ARSK: variants seen among roughly 807,000 people sequenced by gnomAD.
The protein encoded by ARSK is arylsulfatase K.
ARSK carries 37 observed loss-of-function variants against 53.2 expected under a neutral mutation model. The ratio of observed to expected loss-of-function variants is 0.70; its 90% CI spans 0.54 to 0.92. ARSK has a LOEUF of 0.92. Among genes scored for constraint, ARSK ranks in the 40% least tolerant of loss-of-function variants. The pLI is 0.00. For missense variants in ARSK, 613 were observed against 643.0 expected (o/e 0.95, Z 0.51); for synonymous variants, 208 against 223.2 (o/e 0.93, Z 0.61).
At chr5:95,569,154 A>G (rs553154697) in intron 3 of ARSK, among the ~76,000 whole-genome samples, 1 of 152,146 alleles carries the variant, frequency 6.6e-6, no homozygotes. Context: ...TGATCTTGGG[A>G]TCCCCCAACA....
At chr5:95,567,342 A>G (rs1466843728) in intron 2 of ARSK, among the ~76,000 whole-genome samples, 1 of 152,234 alleles carries the variant, frequency 6.6e-6, no homozygotes, top group Non-Finnish European at 1.5e-5. Context: ...ATGAAAACAG[A>G]AAGCTTATTC....
At chr5:95,561,044 T>G (rs1294107839) in intron 1 of ARSK, among the ~76,000 whole-genome samples, 1 of 152,112 alleles carries the variant, frequency 6.6e-6, no homozygotes, top group African/African-American at 2.4e-5. Context: ...CTCCTGACCT[T>G]GGGATATACC....
intron 6 of ARSK, 157 bp from the exon 7 acceptor site, chr5:95,600,689 CA>C: frequency 1.3e-6 from 1 of 754,376 alleles, no homozygotes; most frequent in Non-Finnish European, 2.3e-6. Flanking sequence ...GTGGGGTAAG[CA>C]TGTGAATTTT....
intron 3 of ARSK, among the ~76,000 whole-genome samples, chr5:95,580,163 C>T (rs1022839672): frequency 2.0e-5 from 3 of 152,146 alleles, no homozygotes; most frequent in African/African-American, 7.2e-5. Flanking sequence ...TTTGGATCCT[C>T]CTCATTGATG....
chr5:95,556,457 G>A, intron 1 of ARSK: 1 of 533,042 alleles, frequency 1.9e-6, no homozygotes. Flanking sequence ...CTTCAGAGCT[G>A]CTTTCCAATA....
chr5:95,562,819 G>A (rs925819550), intron 1 of ARSK, among the ~76,000 whole-genome samples: 14 of 152,206 alleles, frequency 9.2e-5, no homozygotes, highest in African/African-American at 3.4e-4. Flanking sequence ...TTGAACCATA[G>A]GAATGGCCTT....
chr5:95,592,245 CT>C (rs1749230327), intron 6 of ARSK, among the ~76,000 whole-genome samples: 3 of 152,092 alleles, frequency 2.0e-5, no homozygotes, highest in Admixed American at 2.0e-4. Context: ...CATTTAAACA[CT>C]AGTTTCTCTG....
chr5:95,580,827 T>A (rs1749010149), intron 3 of ARSK: 1 of 919,300 alleles, frequency 1.1e-6, no homozygotes, highest in Non-Finnish European at 1.5e-6. Context: ...ACTGAATACA[T>A]CACTTTATAC....
chr5:95,557,207 A>G (rs1748538052), intron 1 of ARSK: 2 of 152,128 alleles, frequency 1.3e-5, no homozygotes, highest in Non-Finnish European at 2.9e-5. Flanking sequence ...TGTCCACAAT[A>G]CATATTTCCT....
At chr5:95,577,044 A>C (rs1748936980) in intron 3 of ARSK, among the ~76,000 whole-genome samples, 1 of 152,226 alleles carries the variant, frequency 6.6e-6, no homozygotes, top group Non-Finnish European at 1.5e-5. Flanking sequence ...GTTAAATCCT[A>C]CATAATGTGG....
At chr5:95,587,075 T>C (rs1353181824) in intron 5 of ARSK, among the ~76,000 whole-genome samples, 1 of 152,170 alleles carries the variant, frequency 6.6e-6, no homozygotes, top group Admixed American at 6.5e-5. Context: ...GTAAGGCAGC[T>C]TAGGTTTCTA....
In ARSK at chr5:95,603,221, ATTTTTTTT is replaced by A; in HGVS notation, c.1322-15_1322-8del. 6.6e-7 allele frequency: 1 copy of A among 1,526,586 alleles called. No homozygotes were observed. Among genetic ancestry groups the A allele is most frequent in the Admixed American group, 2.2e-5 (1 of 45,510 alleles). The allele number at this position is 1,526,586 out of a possible 1,614,324, so 94.6% of individuals were successfully genotyped here. On this transcript the variant is annotated splice_region_variant and splice_polypyrimidine_tract_variant and intron_variant, in intron 7 of 7. Transcript: ENST00000380009. The stretch of plus-strand genomic sequence containing the variant: ...CAGGTCACTATTTTGACAGATACTT[ATTTTTTTT>A]CTTTCAGATCTTTCCTCGGATCCAG...
intron 5 of ARSK, among the ~76,000 whole-genome samples, chr5:95,590,379 CA>C (rs981717843): frequency 6.6e-6 from 1 of 151,930 alleles, no homozygotes; most frequent in Non-Finnish European, 1.5e-5. Context: ...GGAGAGTGGA[CA>C]GGGGCATTGC....
At chr5:95,563,567 G>A (rs1047241354) in intron 1 of ARSK, among the ~76,000 whole-genome samples, 4 of 152,144 alleles carry the variant, frequency 2.6e-5, no homozygotes, top group African/African-American at 9.7e-5. Context: ...CTGCTTTCCA[G>A]CCTGCTTTTG....
At chr5:95,556,232 G>A (rs1399827486) in intron 1 of ARSK, 1 of 702,098 alleles carries the variant, frequency 1.4e-6, no homozygotes, top group African/African-American at 1.7e-5. Flanking sequence ...AAATTACATA[G>A]TCTGGATGTG....
chr5:95,600,196 G>A (rs1056607981), intron 6 of ARSK, among the ~76,000 whole-genome samples: 23 of 152,160 alleles, frequency 1.5e-4, no homozygotes, highest in African/African-American at 5.1e-4. Context: ...CTGAAAGCAT[G>A]TTTTTCAAGA....
At chr5:95,598,856 C>T (rs773800529) in intron 6 of ARSK, among the ~76,000 whole-genome samples, 28 of 152,176 alleles carry the variant, frequency 1.8e-4, no homozygotes, top group Non-Finnish European at 3.1e-4. Flanking sequence ...CTTGCTATTC[C>T]CCTGGGGGAA....
At chr5:95,584,941 C>T (rs759994261) in intron 4 of ARSK, among the ~76,000 whole-genome samples, 2 of 152,036 alleles carry the variant, frequency 1.3e-5, no homozygotes. Flanking sequence ...ACCTGGGAGG[C>T]GGAGGTTACA....
intron 1 of ARSK, among the ~76,000 whole-genome samples, chr5:95,557,570 T>G (rs1291384713): frequency 2.6e-5 from 4 of 152,232 alleles, no homozygotes; most frequent in Non-Finnish European, 5.9e-5. Flanking sequence ...TCTTTGAAGT[T>G]TTTGTTTTAG....
Sources: gnomAD v4.1 joint callset for allele counts (sites outside exome capture counted in the v4.1 genomes callset) on GRCh38, gnomAD v4.1.1 for gene constraint, MANE v1.5 for transcripts, NCBI Gene and HGNC (gene_info 2026-07-23, HGNC 2026-07-21) for gene names.